The following FAM135B variants were observed in gnomAD, a reference collection of about 807,000 sequenced individuals.
The protein encoded by FAM135B is protein FAM135B.
A neutral mutation model predicts 127.7 loss-of-function variants in FAM135B; 43 were observed. That is an observed-to-expected ratio of 0.34 (90% CI 0.26 to 0.43). The LOEUF (loss-of-function observed/expected upper bound fraction) is 0.43, where lower values mean the gene tolerates loss of function less well. Ranked by LOEUF, FAM135B falls within the 20% of genes least tolerant of loss-of-function variation. The pLI is 1.00. For synonymous variants in FAM135B, 670 were observed against 665.1 expected, an observed-to-expected ratio of 1.01 and a Z score of -0.11; for missense variants, 1,558 against 1,725.6, an observed-to-expected ratio of 0.90 and a Z score of 1.72.
chr8:138,179,801 C>T (rs901744914), intron 9 of FAM135B, among the ~76,000 whole-genome samples: 2 of 152,134 alleles, frequency 1.3e-5, no homozygotes, highest in African/African-American at 2.4e-5. Flanking sequence ...TCCAGCAATC[C>T]TCCAATCTCA....
chr8:138,302,231 G>A (rs1825942596), intron 3 of FAM135B, among the ~76,000 whole-genome samples: 1 of 151,986 alleles, frequency 6.6e-6, no homozygotes, highest in Admixed American at 6.5e-5. Context: ...TGTGAATGCG[G>A]GCCCAGGCTT....
chr8:138,330,644 T>C (rs1828102451), intron 2 of FAM135B, among the ~76,000 whole-genome samples: 1 of 151,908 alleles, frequency 6.6e-6, no homozygotes, highest in South Asian at 2.1e-4. Context: ...CTCACAGAGG[T>C]TAAGTGGCTT....
intron 3 of FAM135B, among the ~76,000 whole-genome samples, chr8:138,274,605 TA>T (rs1450209071): frequency 6.6e-6 from 1 of 152,140 alleles, no homozygotes; most frequent in African/African-American, 2.4e-5. Flanking sequence ...TTCCTCTTCC[TA>T]ATAAGCCTGG....
At chr8:138,461,936 C>T (rs192595466) in intron 1 of FAM135B, among the ~76,000 whole-genome samples, 100 of 152,260 alleles carry the variant, frequency 6.6e-4, no homozygotes, top group Non-Finnish European at 1.1e-3. Context: ...ATGTGGCTGT[C>T]ATCCTGCCCG....
At chr8:138,280,305 C>T (rs868666340) in intron 3 of FAM135B, among the ~76,000 whole-genome samples, 4 of 152,162 alleles carry the variant, frequency 2.6e-5, no homozygotes, top group African/African-American at 9.7e-5. Flanking sequence ...TATCAGTGAA[C>T]ACCTAGGCCT....
rs60511304 is a variant in FAM135B at position 138,229,230 on chromosome 8, G to C, written c.669+13712C>G. Among the ~76,000 whole-genome samples, 230 of 152,120 alleles carry C rather than the reference G, an allele frequency of 1.5e-3. 1 individual carries two copies. The highest frequency in any genetic ancestry group is 5.2e-3 in the African/African-American group (215 of 41,490). On this transcript the variant is annotated intron_variant, in intron 7 of 19. Transcript: ENST00000395297. ...TGCCCCTGCTGTGTCCTACTCTTTG[G>C]CACCTTCTTCATGGGGCCTGCTAGA...
At chr8:138,315,432 A>G (rs918225334) in intron 2 of FAM135B, among the ~76,000 whole-genome samples, 1 of 152,168 alleles carries the variant, frequency 6.6e-6, no homozygotes, top group African/African-American at 2.4e-5. Context: ...AAAAGTAAAA[A>G]TAAAATTGCC....
intron 11 of FAM135B, among the ~76,000 whole-genome samples, chr8:138,170,747 G>A (rs1435955111): frequency 1.3e-5 from 2 of 152,134 alleles, no homozygotes; most frequent in African/African-American, 4.8e-5. Context: ...TAGAATGACT[G>A]GGCTGCCTCA....
intron 1 of FAM135B, among the ~76,000 whole-genome samples, chr8:138,468,476 T>A (rs1837494677): frequency 6.6e-6 from 1 of 152,078 alleles, no homozygotes; most frequent in African/African-American, 2.4e-5. Context: ...AGTTTATCAC[T>A]TGATAAACTT....
At chr8:138,301,341 T>C (rs1825873674) in intron 3 of FAM135B, among the ~76,000 whole-genome samples, 2 of 152,234 alleles carry the variant, frequency 1.3e-5, no homozygotes, top group Non-Finnish European at 1.5e-5. Context: ...TTGCCTCTTT[T>C]GGTTACTTTG....
intron 3 of FAM135B, among the ~76,000 whole-genome samples, chr8:138,290,082 C>T (rs1251683026): frequency 2.0e-5 from 3 of 152,216 alleles, no homozygotes; most frequent in African/African-American, 7.2e-5. Flanking sequence ...GGTTGCCTCT[C>T]AGTGAGTGCT....
chr8:138,289,561 AT>A (rs911849719), intron 3 of FAM135B, among the ~76,000 whole-genome samples: 8 of 152,162 alleles, frequency 5.3e-5, no homozygotes, highest in Non-Finnish European at 8.8e-5. Flanking sequence ...GGAAACTTGC[AT>A]TTTTTCAGAG....
At chr8:138,469,651 T>G (rs1476680998) in intron 1 of FAM135B, among the ~76,000 whole-genome samples, 1 of 152,240 alleles carries the variant, frequency 6.6e-6, no homozygotes, top group Non-Finnish European at 1.5e-5. Context: ...ATTATGTAAC[T>G]GTATATGTCT....
intron 2 of FAM135B, among the ~76,000 whole-genome samples, chr8:138,318,723 TTG>T (rs1220388332): frequency 6.6e-6 from 1 of 152,222 alleles, no homozygotes; most frequent in Non-Finnish European, 1.5e-5. Flanking sequence ...TGCTTTTGAA[TTG>T]TTTCTTAAAA....
chr8:138,367,037 A>G (rs1312548385), intron 2 of FAM135B, among the ~76,000 whole-genome samples: 1 of 152,164 alleles, frequency 6.6e-6, no homozygotes, highest in Non-Finnish European at 1.5e-5. Flanking sequence ...CATCTAACTC[A>G]GTAGAACCGC....
chr8:138,307,151 G>A (rs1276556122), intron 3 of FAM135B, among the ~76,000 whole-genome samples: 2 of 152,144 alleles, frequency 1.3e-5, no homozygotes, highest in Non-Finnish European at 2.9e-5. Context: ...CCCAGTGGGA[G>A]GTAACTGAAT....
intron 1 of FAM135B, chr8:138,437,042 C>A (rs1445349664): frequency 6.6e-6 from 1 of 152,170 alleles, no homozygotes; most frequent in Non-Finnish European, 1.5e-5. Context: ...GCACCCTGTG[C>A]TCTGACCTCC....
intron 1 of FAM135B, among the ~76,000 whole-genome samples, chr8:138,413,882 G>A (rs1404190326): frequency 7.9e-6 from 1 of 127,178 alleles, no homozygotes; most frequent in Non-Finnish European, 1.6e-5. Flanking sequence ...GAATAAACCT[G>A]GGGGGGTGGG....
intron 3 of FAM135B, among the ~76,000 whole-genome samples, chr8:138,300,744 C>CTTTTTTTT (rs34292545): frequency 1.0e-5 from 1 of 100,492 alleles, no homozygotes; most frequent in Non-Finnish European, 2.0e-5. Flanking sequence ...ATTTTATCCA[C>CTTTTTTTT]TTTTTTTTTT....
Sources: allele counts gnomAD v4.1 joint callset (sites outside exome capture counted in the v4.1 genomes callset), GRCh38; gene constraint gnomAD v4.1.1; transcripts MANE v1.5; gene names NCBI Gene and HGNC (gene_info 2026-07-23, HGNC 2026-07-21).